Variants in TMEM106B observed in about 807,000 individuals in gnomAD.
The protein encoded by TMEM106B is transmembrane protein 106B.
TMEM106B carries 15 observed loss-of-function variants against 31.1 expected under a neutral mutation model. That is an observed-to-expected ratio of 0.48 (90% confidence interval 0.32 to 0.74). The LOEUF is 0.74. TMEM106B is among the 30% of genes least tolerant of loss of function. TMEM106B has a pLI of 0.03. For synonymous variants in TMEM106B, 126 were observed against 112.5 expected, an observed-to-expected ratio of 1.12 and a Z score of -0.76; for missense variants, 283 against 327.3, an observed-to-expected ratio of 0.86 and a Z score of 1.04.
chr7:12,224,201 T>G (rs752076997), intron 3 of TMEM106B, 25 bp from the exon 4 acceptor site: 1 of 1,602,074 alleles, frequency 6.2e-7, no homozygotes, highest in South Asian at 1.1e-5. Flanking sequence ...GCACATGTAC[T>G]TAAATACCCT....
In TMEM106B at chr7:12,230,457, T is replaced by TCAG; in HGVS notation, c.632+19_632+20insCAG. The TCAG allele has an allele frequency of 6.8e-7, 1 of 1,460,744 alleles. No individual in the cohort carries two copies. The highest frequency in any genetic ancestry group is 9.5e-7 in the Non-Finnish European group (1 of 1,050,954). 90.5% of individuals were successfully genotyped at this position (1,460,744 alleles called of 1,614,324 possible). On this transcript the variant is annotated intron_variant, in intron 6 of 7. Coordinates refer to ENST00000396668, the MANE Select transcript of TMEM106B (RefSeq NM_001134232.2). ...ATATGTAGTAAGTTCTGATTTATAA[T>TCAG]AACTTTTTATTGTCAAATAATGAAG...
chr7:12,216,274 C>T (rs1781685518), intron 2 of TMEM106B, among the ~76,000 whole-genome samples: 1 of 151,752 alleles, frequency 6.6e-6, no homozygotes. Flanking sequence ...TTTTTGGCCG[C>T]CTGGATACAG....
At position 12,243,262 on chromosome 7, in the gene TMEM106B, TTGTA is replaced by T. The variant is rs1282444368; in HGVS notation, c.*11290_*11293del. 1 of 152,110 alleles carries T rather than the reference TTGTA, an allele frequency of 6.6e-6. No individual in the cohort carries two copies. Among genetic ancestry groups the T allele is most frequent in the Non-Finnish European group, 1.5e-5 (1 of 67,972 alleles). 9.4% of individuals were successfully genotyped at this position (152,110 alleles called of 1,614,324 possible). A position where few individuals can be genotyped will look rare whatever the true frequency, so the allele number is the denominator to read the frequency against. ...CTCACATTTTAATGTATGAAGAAGA[TTGTA>T]TGAACGATCACATTAATTCATTTAA... On this transcript the variant is annotated 3_prime_UTR_variant, in exon 8 of 8. Transcript: ENST00000396668.
intron 6 of TMEM106B, 33 bp downstream of exon 6, chr7:12,230,471 C>A: frequency 2.2e-6 from 3 of 1,358,682 alleles, no homozygotes; most frequent in South Asian, 2.5e-5. Context: ...TTTTTATTGT[C>A]AAATAATGAA....
intron 7 of TMEM106B, chr7:12,231,370 G>T: frequency 2.7e-6 from 1 of 366,196 alleles, no homozygotes; most frequent in Non-Finnish European, 4.9e-6. Context: ...AGGATACAGG[G>T]AACTGAGCCC....
chr7:12,230,951 C>T (rs1031412320), intron 6 of TMEM106B, 111 bp from the exon 7 acceptor site: 2 of 697,958 alleles, frequency 2.9e-6, no homozygotes, highest in Non-Finnish European at 4.6e-6. Context: ...TCTCAACCAA[C>T]AAATGCTTAT....
Position 12,239,299 on chromosome 7 carries a change from G to A in TMEM106B, c.*7324G>A, listed in dbSNP as rs1278783639. ...TAGAATTGAAGCGTGTTAGGGCTTT[G>A]TTCAGGATTAGGCTTTCACTTAAGG... On this transcript the variant is annotated 3_prime_UTR_variant, in exon 8 of 8. Coordinates refer to ENST00000396668, the MANE Select transcript of TMEM106B (RefSeq NM_001134232.2). The A allele has an allele frequency of 6.6e-6, 1 of 152,090 alleles. No homozygotes were observed. The highest frequency in any genetic ancestry group is 1.5e-5 in the Non-Finnish European group (1 of 68,008). The allele number at this position is 152,090 out of a possible 1,614,324, so 9.4% of individuals were successfully genotyped here.
In TMEM106B at chr7:12,236,628, T is replaced by C. The variant is rs2128529235; in HGVS notation, c.*4653T>C. On this transcript the variant is annotated 3_prime_UTR_variant, in exon 8 of 8. Coordinates refer to ENST00000396668, the MANE Select transcript of TMEM106B (RefSeq NM_001134232.2). ...TTACTACCATGTAGACTGTTATAGT[T>C]CAAATTGTCCCACTTCACCCAGAAT... is the stretch of plus-strand genomic sequence containing the variant. 1 of 152,104 alleles carries C rather than the reference T, an allele frequency of 6.6e-6. No individual in the cohort carries two copies. The highest frequency in any genetic ancestry group is 2.4e-5 in the African/African-American group (1 of 41,558). 9.4% of individuals were successfully genotyped at this position (152,104 alleles called of 1,614,324 possible).
Position 12,240,121 on chromosome 7 carries a change from C to G in TMEM106B, c.*8146C>G, listed in dbSNP as rs1782213858. The G allele has an allele frequency of 6.6e-6, 1 of 152,138 alleles. No homozygotes were observed. The highest frequency in any genetic ancestry group is 2.4e-5 in the African/African-American group (1 of 41,454). 9.4% of individuals were successfully genotyped at this position (152,138 alleles called of 1,614,324 possible). On this transcript the variant is annotated 3_prime_UTR_variant, in exon 8 of 8. Coordinates refer to ENST00000396668, the MANE Select transcript of TMEM106B (RefSeq NM_001134232.2). Reference sequence around the variant, plus strand: ...TCATTAGCTGGCTACAATCTCAGTTCACAATCATTTCTTATTGCCCTTCAA... The same window carrying G: ...TCATTAGCTGGCTACAATCTCAGTTGACAATCATTTCTTATTGCCCTTCAA...
At position 12,240,292 on chromosome 7, in the gene TMEM106B, G is replaced by A. The variant is rs1014655854; in HGVS notation, c.*8317G>A. The A allele has an allele frequency of 1.3e-5, 2 of 152,028 alleles. No homozygotes were observed. The highest frequency in any genetic ancestry group is 2.4e-5 in the African/African-American group (1 of 41,420). The allele number at this position is 152,028 out of a possible 1,614,324, so 9.4% of individuals were successfully genotyped here. A position where few individuals can be genotyped will look rare whatever the true frequency, so the allele number is the denominator to read the frequency against. On this transcript the variant is annotated 3_prime_UTR_variant, in exon 8 of 8. Transcript: ENST00000396668. ...CTATCTTTTTCAATGCCCACTTCGT[G>A]TCCAACCCCTCTCTACTTTCCCTCT...
chr7:12,222,531 G>A (rs766060218), intron 3 of TMEM106B, among the ~76,000 whole-genome samples: 4 of 152,250 alleles, frequency 2.6e-5, no homozygotes, highest in Admixed American at 1.3e-4. Flanking sequence ...AAAATAAAAC[G>A]CTGAAGTGTA....
intron 6 of TMEM106B, 73 bp downstream of exon 6, chr7:12,230,511 A>C: frequency 9.6e-7 from 1 of 1,040,536 alleles, no homozygotes; most frequent in Non-Finnish European, 1.4e-6. Context: ...AAGAGTATAC[A>C]TATTTTTTAA....
At position 12,224,301 on chromosome 7, in the gene TMEM106B, C is replaced by T. The variant is rs1222975996; in HGVS notation, c.357C>T (p.Arg119=). ...SGLAVFFLFP[R]SIDVKYIGVK... ...TGGCTGTGTTTTTCCTTTTCCCTCGCTCTATCGACGTGAAATACATTGGTG... is the reference window on the plus strand; with the variant it reads ...TGGCTGTGTTTTTCCTTTTCCCTCGTTCTATCGACGTGAAATACATTGGTG... The change falls in exon 4 of 8, where the codon CGC becomes CGT. Residue 119 remains arginine (R), a synonymous_variant. Coordinates refer to ENST00000396668, the MANE Select transcript of TMEM106B (RefSeq NM_001134232.2). The T allele has an allele frequency of 1.9e-6, 3 of 1,613,932 alleles. No individual in the cohort carries two copies. Among genetic ancestry groups the T allele is most frequent in the African/African-American group, 2.7e-5 (2 of 74,916 alleles).
chr7:12,229,042 A>C (rs5011432), intron 4 of TMEM106B, among the ~76,000 whole-genome samples: 67,693 of 151,724 alleles, frequency 0.45, 15,408 homozygotes, highest in East Asian at 0.62. Context: ...TTTATTTATC[A>C]TTTAGTGTCT....
intron 4 of TMEM106B, among the ~76,000 whole-genome samples, chr7:12,225,039 C>T (rs938880770): frequency 6.6e-6 from 1 of 152,020 alleles, no homozygotes. Context: ...CACGACAGGC[C>T]TCGGTGTGTG....
rs1036383083 is a variant in TMEM106B, at chr7:12,240,682, T to C, written c.*8707T>C. On this transcript the variant is annotated 3_prime_UTR_variant, in exon 8 of 8. Coordinates refer to ENST00000396668, the MANE Select transcript of TMEM106B (RefSeq NM_001134232.2). ...AAGTTTGTGAGGCTTTTTTTTTTTTTCTGGTAGATTTCTGTTTCCTTGATC... is the reference window on the plus strand; with the variant it reads ...AAGTTTGTGAGGCTTTTTTTTTTTTCCTGGTAGATTTCTGTTTCCTTGATC... 1 of 151,188 alleles carries C rather than the reference T, an allele frequency of 6.6e-6. No homozygotes were observed. Among genetic ancestry groups the C allele is most frequent in the African/African-American group, 2.4e-5 (1 of 41,232 alleles). 9.4% of individuals were successfully genotyped at this position (151,188 alleles called of 1,614,324 possible). A position where few individuals can be genotyped will look rare whatever the true frequency, so the allele number is the denominator to read the frequency against.
chr7:12,215,030 A>G lies in TMEM106B; in HGVS notation c.217+3A>G. ...GGGAACAGGAAGAATTCCTAGGGGT[A>G]TGTGTTATTGTATTGTTTTCCCTTT... On this transcript the variant is annotated splice_donor_region_variant and intron_variant, in intron 2 of 7. Coordinates refer to ENST00000396668, the MANE Select transcript of TMEM106B (RefSeq NM_001134232.2). The G allele has an allele frequency of 6.2e-7, 1 of 1,611,506 alleles. No homozygotes were observed. The highest frequency in any genetic ancestry group is 8.5e-7 in the Non-Finnish European group (1 of 1,178,406).
chr7:12,235,220 AAAGAT>A lies in TMEM106B; in HGVS notation c.*3250_*3254del, dbSNP rs550717834. On this transcript the variant is annotated 3_prime_UTR_variant, in exon 8 of 8. Transcript: ENST00000396668. ...TTTAGTACCCCTTCATCATTCCAATAAAGATAAGACTGATCCATTGTCTAAGGAAA... is the reference window on the plus strand; with the variant it reads ...TTTAGTACCCCTTCATCATTCCAATAAAGACTGATCCATTGTCTAAGGAAA... 7.0e-4 allele frequency: 107 copies of A among 152,460 alleles called. No individual in the cohort carries two copies. The highest frequency in any genetic ancestry group is 2.2e-3 in the African/African-American group (93 of 41,554). The allele number at this position is 152,460 out of a possible 1,614,324, so 9.4% of individuals were successfully genotyped here. A position where few individuals can be genotyped will look rare whatever the true frequency, so the allele number is the denominator to read the frequency against.
chr7:12,216,009 A>C (rs1256579594), intron 2 of TMEM106B, among the ~76,000 whole-genome samples: 4 of 152,134 alleles, frequency 2.6e-5, no homozygotes, highest in Non-Finnish European at 5.9e-5. Flanking sequence ...CCCAGAGGGA[A>C]GAAGGTCAAA....
Sources: allele counts gnomAD v4.1 joint callset (sites outside exome capture counted in the v4.1 genomes callset), GRCh38; gene constraint gnomAD v4.1.1; transcripts MANE v1.5; gene names NCBI Gene and HGNC (gene_info 2026-07-23, HGNC 2026-07-21).